Variants in PALS1 observed in about 807,000 individuals in gnomAD.
The protein encoded by PALS1 is protein PALS1.
Under a neutral mutation model 78.9 loss-of-function variants are expected in PALS1, and 31 were observed. That is an observed-to-expected ratio of 0.39 (90% confidence interval 0.30 to 0.53). The LOEUF (loss-of-function observed/expected upper bound fraction) is 0.53, where lower values mean the gene tolerates loss of function less well. Among genes scored for constraint, PALS1 ranks in the 20% least tolerant of loss-of-function variants. The probability of loss-of-function intolerance (pLI) is 0.67; values close to 1 mark genes in which losing one functional copy is unlikely to be tolerated. For missense variants in PALS1, 704 were observed against 826.5 expected, an observed-to-expected ratio of 0.85 and a Z score of 1.82; for synonymous variants, 276 against 270.9, an observed-to-expected ratio of 1.02 and a Z score of -0.18.
intron 4 of PALS1, among the ~76,000 whole-genome samples, chr14:67,298,683 G>T (rs980678770): frequency 1.3e-5 from 2 of 152,166 alleles, no homozygotes; most frequent in Non-Finnish European, 2.9e-5. Flanking sequence ...TAATTTACAT[G>T]CACTTAAAAT....
At chr14:67,258,612 A>G (rs1316651989) in intron 1 of PALS1, among the ~76,000 whole-genome samples, 1 of 152,022 alleles carries the variant, frequency 6.6e-6, no homozygotes, top group Non-Finnish European at 1.5e-5. Context: ...TGTAGAAATG[A>G]GGTTTCACTA....
At chr14:67,253,343 T>C (rs8017612) in intron 1 of PALS1, among the ~76,000 whole-genome samples, 2,998 of 152,324 alleles carry the variant, frequency 0.02, 41 homozygotes, top group Middle Eastern at 0.034. Flanking sequence ...TGAATAATTA[T>C]AATTGTATGT....
chr14:67,262,020 G>A (rs2084246427), intron 1 of PALS1, among the ~76,000 whole-genome samples: 1 of 152,086 alleles, frequency 6.6e-6, no homozygotes, highest in African/African-American at 2.4e-5. Context: ...CAGCACTGTG[G>A]ATGCACATTA....
At chr14:67,284,658 C>G (rs1183879553) in intron 3 of PALS1, among the ~76,000 whole-genome samples, 2 of 149,142 alleles carry the variant, frequency 1.3e-5, no homozygotes, top group Non-Finnish European at 3.0e-5. Context: ...CTATTCTGTC[C>G]ACCACCTGGC....
At chr14:67,291,679 G>C (rs533290644) in intron 3 of PALS1, among the ~76,000 whole-genome samples, 1 of 152,262 alleles carries the variant, frequency 6.6e-6, no homozygotes, top group East Asian at 1.9e-4. Flanking sequence ...ACATACATAT[G>C]CCCACAACTT....
At chr14:67,255,149 C>CAAA (rs879416389) in intron 1 of PALS1, among the ~76,000 whole-genome samples, 4 of 138,034 alleles carry the variant, frequency 2.9e-5, no homozygotes, top group Non-Finnish European at 4.7e-5. Context: ...CTCCATCTCT[C>CAAA]AAAAAAAAAA....
At chr14:67,274,663 T>C (rs1306546221) in intron 2 of PALS1, among the ~76,000 whole-genome samples, 3 of 152,094 alleles carry the variant, frequency 2.0e-5, no homozygotes, top group Admixed American at 6.5e-5. Context: ...GTGAAGAAAG[T>C]CATTGGTAGC....
chr14:67,298,160 CAGAG>C (rs1209838296), intron 4 of PALS1, among the ~76,000 whole-genome samples: 3 of 152,074 alleles, frequency 2.0e-5, no homozygotes, highest in Non-Finnish European at 4.4e-5. Flanking sequence ...AATCTTGTGA[CAGAG>C]AGCCACTCAG....
At chr14:67,292,971 C>G (rs1468372801) in intron 4 of PALS1, among the ~76,000 whole-genome samples, 3 of 151,958 alleles carry the variant, frequency 2.0e-5, no homozygotes, top group Non-Finnish European at 2.9e-5. Flanking sequence ...TGGATAGTAA[C>G]AAATATTTGA....
intron 14 of PALS1, among the ~76,000 whole-genome samples, chr14:67,325,979 C>CTTTTTTTTTTTTTT (rs61592505): frequency 2.0e-4 from 22 of 110,212 alleles, no homozygotes; most frequent in African/African-American, 7.0e-4. Flanking sequence ...CGGCTCTTTT[C>CTTTTTTTTTTTTTT]TTTTTTTTTT....
chr14:67,277,379 C>T (rs1347806055), intron 2 of PALS1, among the ~76,000 whole-genome samples: 2 of 152,076 alleles, frequency 1.3e-5, no homozygotes, highest in Non-Finnish European at 2.9e-5. Flanking sequence ...TAGTGGTTTT[C>T]CTGATAGCCT....
chr14:67,332,925 C>T lies in PALS1; in HGVS notation c.1997C>T (p.Pro666Leu). The T allele has an allele frequency of 6.2e-7, 1 of 1,613,064 alleles. No homozygotes were observed. Among genetic ancestry groups the T allele is most frequent in the South Asian group, 1.1e-5 (1 of 91,028 alleles). ...LRLINKLDTEPQWVPSTWLR is the reference protein window; with the variant it reads ...LRLINKLDTELQWVPSTWLR The stretch of plus-strand genomic sequence containing the variant: ...TTAATTAACAAACTTGATACTGAAC[C>T]TCAGTGGGTACCATCCACTTGGCTG... Residue 666 changes from proline to leucine, a missense_variant, in exon 15 of 15, where the codon CCT (proline) becomes CTT (leucine). Transcript: ENST00000261681.
At position 67,279,132 on chromosome 14, in the gene PALS1, T is replaced by A; in HGVS notation, c.-39T>A. 1.3e-6 allele frequency: 2 copies of A among 1,484,804 alleles called. No individual in the cohort carries two copies. The highest frequency in any genetic ancestry group is 2.4e-5 in the East Asian group (1 of 42,282). The allele number at this position is 1,484,804 out of a possible 1,614,324, so 92.0% of individuals were successfully genotyped here. ...CAAGAGAATTGGCTTATAGGAAAAATTGATTTATAAAAAGTGGTACAGGTT... is the reference window on the plus strand; with the variant it reads ...CAAGAGAATTGGCTTATAGGAAAAAATGATTTATAAAAAGTGGTACAGGTT... On this transcript the variant is annotated 5_prime_UTR_variant, in exon 3 of 15. It adds an upstream start codon to the 5' untranslated region. Coordinates refer to ENST00000261681, the MANE Select transcript of PALS1 (RefSeq NM_022474.4).
In PALS1 at chr14:67,332,940, C is replaced by G. The variant is rs752428460; in HGVS notation, c.2012C>G (p.Ser671Cys). 4 of 1,607,722 alleles carry G rather than the reference C, an allele frequency of 2.5e-6. No homozygotes were observed. In the South Asian group the frequency reaches 4.4e-5, roughly 18 times the overall value. ...GATACTGAACCTCAGTGGGTACCAT[C>G]CACTTGGCTGAGGTGAAAGAAACAT... ...KLDTEPQWVPSTWLR is the reference protein window; with the variant it reads ...KLDTEPQWVPCTWLR Residue 671 changes from serine (S) to cysteine (C), a missense_variant, in exon 15 of 15, where the codon TCC becomes TGC. Ser to Cys is a moderately radical substitution (Grantham distance 112, BLOSUM62 -1). Transcript: ENST00000261681.
rs146185163 is a variant in PALS1, at chr14:67,262,639, AT to A, written c.-236-7061del. 2.2e-3 allele frequency among the ~76,000 whole-genome samples: 332 copies of A among 152,268 alleles called. 9 individuals are homozygous for A. The East Asian group carries it at 0.06, about 28-fold the overall frequency. On this transcript the variant is annotated intron_variant, in intron 1 of 14. Coordinates refer to ENST00000261681, the MANE Select transcript of PALS1 (RefSeq NM_022474.4). Reference sequence around the variant, plus strand: ...TACCCTAGTCAACTCTGGTTACAGTATAGAGTAGATTTAGCTTTCAGAAAAT... The same window carrying A: ...TACCCTAGTCAACTCTGGTTACAGTAAGAGTAGATTTAGCTTTCAGAAAAT...
At chr14:67,249,551 A>G (rs2084036020) in intron 1 of PALS1, among the ~76,000 whole-genome samples, 1 of 152,242 alleles carries the variant, frequency 6.6e-6, no homozygotes, top group South Asian at 2.1e-4. Context: ...CAGATGTGAA[A>G]TAATTAAGGA....
intron 4 of PALS1, among the ~76,000 whole-genome samples, chr14:67,299,040 A>G (rs906379316): frequency 6.6e-6 from 1 of 152,190 alleles, no homozygotes. Flanking sequence ...CATTCTTTGA[A>G]TATCCCACAA....
In PALS1 at chr14:67,303,529, T is replaced by G. The variant is rs779888289; in HGVS notation, c.971T>G (p.Met324Arg). 6 of 1,612,712 alleles carry G rather than the reference T, an allele frequency of 3.7e-6. No homozygotes were observed. In the Admixed American group the frequency reaches 1.0e-4, roughly 27 times the overall value. Residue 324 changes from methionine to arginine, a missense_variant, in exon 8 of 15, where the codon ATG becomes AGG. Physicochemically the swap from Met to Arg is moderately conservative, Grantham distance 91. Transcript: ENST00000261681. Reference protein sequence around the residue: ...VNEVFDLLSDMHGTLTFVLIP... With the variant: ...VNEVFDLLSDRHGTLTFVLIP... ...CTGATCTTTCTATTACAGTCTGATA[T>G]GCATGGTACTTTGACTTTTGTCCTG... is the stretch of plus-strand genomic sequence containing the variant.
chr14:67,273,570 C>G (rs1192034149), intron 2 of PALS1, among the ~76,000 whole-genome samples: 6 of 152,156 alleles, frequency 3.9e-5, no homozygotes, highest in Non-Finnish European at 7.3e-5. Flanking sequence ...GTGAATAGTG[C>G]CGCAGTCAAC....
Sources: allele counts gnomAD v4.1 joint callset (sites outside exome capture counted in the v4.1 genomes callset), GRCh38; gene constraint gnomAD v4.1.1; transcripts MANE v1.5; gene names NCBI Gene and HGNC (gene_info 2026-07-23, HGNC 2026-07-21).